Variants in RNF144A observed in about 807,000 individuals in gnomAD.
The protein encoded by RNF144A is ring finger protein 144A.
RNF144A carries 11 observed loss-of-function variants against 38.7 expected under a neutral mutation model. The observed-to-expected ratio is 0.28, with a 90% CI of 0.18 to 0.47. The LOEUF is 0.47. Ranked by LOEUF, RNF144A falls within the 20% of genes least tolerant of loss-of-function variation. The pLI is 0.99. For synonymous variants in RNF144A, 149 were observed against 143.9 expected, an observed-to-expected ratio of 1.04 and a Z score of -0.25; for missense variants, 316 against 377.2, an observed-to-expected ratio of 0.84 and a Z score of 1.34.
intron 1 of RNF144A, among the ~76,000 whole-genome samples, chr2:6,923,035 C>G (rs1462689091): frequency 6.6e-6 from 1 of 152,194 alleles, no homozygotes; most frequent in African/African-American, 2.4e-5. Context: ...GGTCTGCAGC[C>G]TCCTCTGCAA....
chr2:6,964,045 G>A (rs182231957), intron 2 of RNF144A, among the ~76,000 whole-genome samples: 506 of 152,080 alleles, frequency 3.3e-3, no homozygotes, highest in Non-Finnish European at 5.9e-3. Flanking sequence ...AAAAACTGTG[G>A]CAAGGGTAGC....
intron 3 of RNF144A, among the ~76,000 whole-genome samples, chr2:7,007,153 G>A (rs1670497197): frequency 1.3e-5 from 2 of 152,108 alleles, no homozygotes; most frequent in Admixed American, 6.5e-5. Flanking sequence ...CTTCCAGGAG[G>A]CCTGTCTAGG....
chr2:7,068,742 C>T (rs1469761519), downstream of RNF144A, among the ~76,000 whole-genome samples: 1 of 152,180 alleles, frequency 6.6e-6, no homozygotes, highest in Non-Finnish European at 1.5e-5. Flanking sequence ...ACTGAGATTT[C>T]AAGTTCTAAG....
intron 5 of RNF144A, among the ~76,000 whole-genome samples, chr2:7,019,273 G>A (rs764656904): frequency 3.9e-5 from 6 of 152,212 alleles, no homozygotes; most frequent in Admixed American, 1.3e-4. Context: ...CGTGTGCACC[G>A]TCAGGACACC....
chr2:7,056,868 A>G (rs534384997), intron 6 of RNF144A, among the ~76,000 whole-genome samples: 22 of 152,160 alleles, frequency 1.4e-4, no homozygotes, highest in Non-Finnish European at 3.1e-4. Flanking sequence ...AGTGAGGACA[A>G]TATTAAATAT....
At position 6,962,187 on chromosome 2, in the gene RNF144A, G is replaced by A. The variant is rs998824770; in HGVS notation, c.-12+21040G>A. On this transcript the variant is annotated intron_variant, in intron 2 of 8. Transcript: ENST00000320892. The surrounding 1 kb of genome is among the most constrained non-coding windows in gnomAD (Gnocchi z 4.1). ...GAGCTAAAGACTGGTTATGCCAGGT[G>A]TGCCATTTGCATAGGGCACAAATCT... Among the ~76,000 whole-genome samples the A allele has an allele frequency of 1.3e-5, 2 of 152,212 alleles. No individual in the cohort carries two copies. The highest frequency in any genetic ancestry group is 2.9e-5 in the Non-Finnish European group (2 of 68,032).
intron 1 of RNF144A, among the ~76,000 whole-genome samples, chr2:6,936,844 A>AGTGTGTGTATGTGTGT (rs71402824): frequency 4.2e-5 from 6 of 144,092 alleles, no homozygotes; most frequent in African/African-American, 1.5e-4. Context: ...CACACACAGT[A>AGTGTGTGTATGTGTGT]GTGTGTGTGT....
chr2:6,932,977 CAGAG>C (rs1251014047), intron 1 of RNF144A: 2 of 152,232 alleles, frequency 1.3e-5, no homozygotes, highest in Non-Finnish European at 2.9e-5. Flanking sequence ...TGCATGCAAA[CAGAG>C]AGGTGCTTTA....
At chr2:6,949,050 G>T (rs554756185) in intron 2 of RNF144A, among the ~76,000 whole-genome samples, 4 of 152,320 alleles carry the variant, frequency 2.6e-5, no homozygotes, top group Admixed American at 1.3e-4. Flanking sequence ...AGGTGACCAC[G>T]TGGTGCTTTT....
In RNF144A at chr2:6,997,033, C is replaced by A; in HGVS notation, c.107C>A (p.Ala36Asp). 6.2e-7 allele frequency: 1 copy of A among 1,614,134 alleles called. No homozygotes were observed. The highest frequency in any genetic ancestry group is 8.5e-7 in the Non-Finnish European group (1 of 1,179,948). The change falls in exon 3 of 9, where the codon GCC (alanine) becomes GAC (aspartate). Residue 36 changes from alanine (A) to aspartate (D), a missense_variant. Transcript: ENST00000320892. The stretch of plus-strand genomic sequence containing the variant: ...CCAGTGGAGCAGATGACAACCATAG[C>A]CCAGTGCCAATGCATCTTCTGTACT... ...EYPVEQMTTI[A>D]QCQCIFCTLC...
intron 6 of RNF144A, among the ~76,000 whole-genome samples, chr2:7,061,621 C>G (rs1029196706): frequency 2.0e-5 from 3 of 152,130 alleles, no homozygotes; most frequent in African/African-American, 7.2e-5. Context: ...AGGGCTTAGG[C>G]AAGTCTTCTG....
At chr2:7,022,674 C>T (rs1671612352) in intron 6 of RNF144A, among the ~76,000 whole-genome samples, 1 of 152,200 alleles carries the variant, frequency 6.6e-6, no homozygotes, top group South Asian at 2.1e-4. Flanking sequence ...TGTTATCTAA[C>T]CTAAAACCCA....
At chr2:7,073,739 C>A in the RNF144A span, among the ~76,000 whole-genome samples, 1 of 152,330 alleles carries the variant, frequency 6.6e-6, no homozygotes, top group East Asian at 1.9e-4. Context: ...CTTATTTAAT[C>A]CTTACATCTT....
At chr2:7,045,129 C>A (rs999221049), downstream of RNF144A, among the ~76,000 whole-genome samples, 1 of 152,196 alleles carries the variant, frequency 6.6e-6, no homozygotes, top group African/African-American at 2.4e-5. Flanking sequence ...GAAGTGTGTT[C>A]AAAGGAAGGG....
intron 2 of RNF144A, among the ~76,000 whole-genome samples, chr2:6,983,919 C>T (rs1456320910): frequency 1.3e-5 from 2 of 152,228 alleles, no homozygotes; most frequent in Non-Finnish European, 2.9e-5. Flanking sequence ...CTTGAAACTG[C>T]ACATTCTGAG....
intron 8 of RNF144A, among the ~76,000 whole-genome samples, chr2:7,035,500 C>T (rs1162375724): frequency 6.6e-6 from 1 of 152,218 alleles, no homozygotes; most frequent in Admixed American, 6.5e-5. Context: ...AGCTGGGCCA[C>T]CCTCTGTCAC....
intron 6 of RNF144A, among the ~76,000 whole-genome samples, chr2:7,065,466 G>A (rs952895225): frequency 8.5e-5 from 13 of 152,218 alleles, no homozygotes; most frequent in Non-Finnish European, 1.5e-4. Flanking sequence ...TGTGGAAAAA[G>A]GATGCTGGAA....
intron 2 of RNF144A, among the ~76,000 whole-genome samples, chr2:6,981,295 A>G (rs572986656): frequency 6.6e-6 from 1 of 151,018 alleles, no homozygotes; most frequent in African/African-American, 2.4e-5. Flanking sequence ...CTTTTTTACT[A>G]CATGGTCAGG....
At chr2:6,952,117 A>C (rs1410956234) in intron 2 of RNF144A, among the ~76,000 whole-genome samples, 1 of 152,180 alleles carries the variant, frequency 6.6e-6, no homozygotes, top group African/African-American at 2.4e-5. Flanking sequence ...AATCATAAAT[A>C]CATGTTGAAT....
Sources: allele counts gnomAD v4.1 joint callset (sites outside exome capture counted in the v4.1 genomes callset), GRCh38; gene constraint gnomAD v4.1.1; non-coding constraint Gnocchi (gnomAD v3.1); transcripts MANE v1.5; gene names NCBI Gene and HGNC (gene_info 2026-07-23, HGNC 2026-07-21).